Variants in SYNPO2 observed in about 807,000 individuals in gnomAD.
SYNPO2 encodes the protein synaptopodin 2.
Under a neutral mutation model 85.0 loss-of-function variants are expected in SYNPO2, and 56 were observed. The ratio of observed to expected loss-of-function variants is 0.66; its 90% confidence interval spans 0.53 to 0.82. The LOEUF (loss-of-function observed/expected upper bound fraction) is 0.82, where lower values mean the gene tolerates loss of function less well. SYNPO2 is among the 40% of genes least tolerant of loss of function. SYNPO2 has a pLI of 0.00. For missense variants in SYNPO2, 1,575 were observed against 1,534.2 expected (o/e 1.03, Z -0.44); for synonymous variants, 602 against 591.1 (o/e 1.02, Z -0.27).
intron 1 of SYNPO2, among the ~76,000 whole-genome samples, chr4:119,013,888 A>T (rs1737423581): frequency 6.6e-6 from 1 of 152,260 alleles, no homozygotes; most frequent in African/African-American, 2.4e-5. Context: ...TGAAAAATTT[A>T]TACCTATGGT....
intron 1 of SYNPO2, among the ~76,000 whole-genome samples, chr4:118,893,081 C>T (rs536745844): frequency 1.3e-5 from 2 of 152,056 alleles, no homozygotes; most frequent in Admixed American, 1.3e-4. Context: ...ATAAATGCTC[C>T]TTCCTATATA....
chr4:119,057,574 A>G lies in SYNPO2; in HGVS notation c.3426A>G (p.Leu1142=). The change falls in exon 5 of 5, where the codon CTA becomes CTG. Residue 1142 remains leucine, a synonymous_variant. Transcript: ENST00000307142. The stretch of plus-strand genomic sequence containing the variant: ...CAGCAGCAAAGTCTCCTCTCGGTCT[A>G]GTGGATGATGCTTTCCAACCCAGAA... ...WEAAAKSPLG[L]VDDAFQPRNI... 6.2e-7 allele frequency: 1 copy of G among 1,614,122 alleles called. No homozygotes were observed. Among genetic ancestry groups the G allele is most frequent in the Non-Finnish European group, 8.5e-7 (1 of 1,180,028 alleles).
At chr4:118,880,470 C>G (rs1732062716) in intron 1 of SYNPO2, among the ~76,000 whole-genome samples, 1 of 152,202 alleles carries the variant, frequency 6.6e-6, no homozygotes, top group Non-Finnish European at 1.5e-5. Context: ...TAGAAGGTGG[C>G]TGGGCACAGT....
chr4:118,965,285 C>T (rs989221628), intron 1 of SYNPO2, among the ~76,000 whole-genome samples: 1 of 152,050 alleles, frequency 6.6e-6, no homozygotes, highest in Non-Finnish European at 1.5e-5. Context: ...CCAGCACCCC[C>T]CCACCCCAAC....
At chr4:118,887,191 G>GTA (rs1366304640), upstream of SYNPO2, among the ~76,000 whole-genome samples, 1 of 151,848 alleles carries the variant, frequency 6.6e-6, no homozygotes, top group Non-Finnish European at 1.5e-5. Context: ...GTGTGTGTGT[G>GTA]TGTGTGTGTG....
rs555411790 is a variant in SYNPO2 at position 118,943,112 on chromosome 4, A to G, written c.105+53971A>G. The stretch of plus-strand genomic sequence containing the variant: ...ACAGAGCGAGACTCCATCTCAAAAA[A>G]AAAAAAAAGTCAATAGTGTTGAGGT... On this transcript the variant is annotated intron_variant, in intron 1 of 4. Transcript: ENST00000307142. 1.1e-3 allele frequency among the ~76,000 whole-genome samples: 162 copies of G among 152,190 alleles called. 4 individuals carry two copies. Among genetic ancestry groups the G allele is most frequent in the African/African-American group, 3.5e-3 (147 of 41,502 alleles).
At chr4:119,049,609 A>G (rs1403003921) in intron 4 of SYNPO2, among the ~76,000 whole-genome samples, 1 of 152,228 alleles carries the variant, frequency 6.6e-6, no homozygotes, top group Non-Finnish European at 1.5e-5. Context: ...TCTTTGTGCT[A>G]AGTAAACCTC....
intron 1 of SYNPO2, among the ~76,000 whole-genome samples, chr4:118,858,262 AG>A (rs1460653784): frequency 2.0e-5 from 3 of 152,224 alleles, no homozygotes; most frequent in African/African-American, 7.2e-5. Context: ...CCTGAAAACA[AG>A]TACATTAGAC....
chr4:119,022,104 A>G (rs1737744611), intron 1 of SYNPO2, among the ~76,000 whole-genome samples: 1 of 152,090 alleles, frequency 6.6e-6, no homozygotes, highest in Non-Finnish European at 1.5e-5. Flanking sequence ...TCTCTTTGAC[A>G]TATTCCCTAA....
chr4:118,919,970 A>T (rs1334954098), intron 1 of SYNPO2, among the ~76,000 whole-genome samples: 4 of 152,226 alleles, frequency 2.6e-5, no homozygotes, highest in African/African-American at 9.6e-5. Flanking sequence ...AATGGGAATA[A>T]TATGATAACT....
chr4:118,994,376 A>G (rs528875329), intron 1 of SYNPO2, among the ~76,000 whole-genome samples: 1 of 152,346 alleles, frequency 6.6e-6, no homozygotes, highest in Non-Finnish European at 1.5e-5. Context: ...CCTGACAGAA[A>G]CTGAGATGAG....
chr4:118,895,704 C>T (rs559829861), intron 1 of SYNPO2, among the ~76,000 whole-genome samples: 1 of 152,302 alleles, frequency 6.6e-6, no homozygotes, highest in South Asian at 2.1e-4. Flanking sequence ...AGTCACTCAT[C>T]CACAGGAAAT....
intron 1 of SYNPO2, among the ~76,000 whole-genome samples, chr4:118,895,498 C>G (rs1324802879): frequency 6.6e-6 from 1 of 152,138 alleles, no homozygotes; most frequent in African/African-American, 2.4e-5. Flanking sequence ...ATGGTTTCTT[C>G]CGGGAGAGCT....
chr4:118,957,336 C>T (rs1734916060), intron 1 of SYNPO2, among the ~76,000 whole-genome samples: 1 of 152,102 alleles, frequency 6.6e-6, no homozygotes, highest in South Asian at 2.1e-4. Flanking sequence ...ACACACCCAC[C>T]CATGCAATTG....
At chr4:118,900,719 A>ATGTCTGTCTG (rs1732717436) in intron 1 of SYNPO2, among the ~76,000 whole-genome samples, 3 of 121,852 alleles carry the variant, frequency 2.5e-5, no homozygotes, top group Non-Finnish European at 5.2e-5. Flanking sequence ...ATATATATAT[A>ATGTCTGTCTG]TATATATATA....
intron 4 of SYNPO2, among the ~76,000 whole-genome samples, chr4:119,049,014 G>A (rs75764415): frequency 0.11 from 15,983 of 152,174 alleles, 1,166 homozygotes; most frequent in Non-Finnish European, 0.16. Context: ...AATCAATTAG[G>A]AGACAGTAGC....
intron 4 of SYNPO2, chr4:119,037,657 A>G: frequency 1.0e-6 from 1 of 984,902 alleles, no homozygotes; most frequent in African/African-American, 1.7e-5. Context: ...GAGTTAATGT[A>G]TTAAGTTTCT....
At chr4:118,867,088 C>T (rs1731709174) in intron 1 of SYNPO2, among the ~76,000 whole-genome samples, 1 of 152,044 alleles carries the variant, frequency 6.6e-6, no homozygotes, top group African/African-American at 2.4e-5. Flanking sequence ...GCAATACATT[C>T]ACACCCATTC....
At chr4:118,970,606 T>C (rs1735503526) in intron 1 of SYNPO2, among the ~76,000 whole-genome samples, 1 of 152,248 alleles carries the variant, frequency 6.6e-6, no homozygotes, top group Admixed American at 6.5e-5. Flanking sequence ...AAGATAAATA[T>C]ACTTCCCATA....
Sources: allele counts gnomAD v4.1 joint callset (sites outside exome capture counted in the v4.1 genomes callset), GRCh38; gene constraint gnomAD v4.1.1; transcripts MANE v1.5; gene names NCBI Gene and HGNC (gene_info 2026-07-23, HGNC 2026-07-21).